The following PHYH variants were observed in gnomAD, a reference collection of about 807,000 sequenced individuals.
PHYH encodes phytanoyl-CoA dioxygenase, peroxisomal.
A neutral mutation model predicts 38.5 loss-of-function variants in PHYH; 32 were observed. That is an observed-to-expected ratio of 0.83 (90% CI 0.63 to 1.12). PHYH has a LOEUF of 1.12. PHYH is among the 50% of genes most tolerant of loss of function. The pLI, the probability that PHYH is intolerant of heterozygous loss-of-function variation, is 0.00. For synonymous variants in PHYH, 166 were observed against 157.9 expected, an observed-to-expected ratio of 1.05 and a Z score of -0.38; for missense variants, 426 against 434.8, an observed-to-expected ratio of 0.98 and a Z score of 0.18.
intron 2 of PHYH, among the ~76,000 whole-genome samples, chr10:13,296,778 A>C (rs1832564001): frequency 6.6e-6 from 1 of 151,338 alleles, no homozygotes; most frequent in South Asian, 2.1e-4. Flanking sequence ...AACACGGTGA[A>C]ACCCGCCTCT....
intron 7 of PHYH, among the ~76,000 whole-genome samples, chr10:13,283,203 A>C (rs908322802): frequency 7.2e-6 from 1 of 139,582 alleles, no homozygotes; most frequent in Non-Finnish European, 1.5e-5. Context: ...ATCTCGGCTC[A>C]CTGCAGACTC....
intron 7 of PHYH, among the ~76,000 whole-genome samples, chr10:13,283,471 C>T (rs187918354): frequency 2.0e-5 from 3 of 152,116 alleles, no homozygotes; most frequent in Non-Finnish European, 4.4e-5. Context: ...GGTCACCTGG[C>T]TTCTTACTGA....
chr10:13,299,224 C>T (rs1443093036), intron 1 of PHYH, among the ~76,000 whole-genome samples: 2 of 151,892 alleles, frequency 1.3e-5, no homozygotes, highest in African/African-American at 4.8e-5. Context: ...CATAGAATTG[C>T]ATTGTTTCTT....
At chr10:13,288,236 C>T in intron 6 of PHYH, 124 bp downstream of exon 6, 1 of 874,132 alleles carries the variant, frequency 1.1e-6, no homozygotes. Flanking sequence ...CACTGCAAAT[C>T]TTAGGACAAT....
chr10:13,283,440 T>C (rs893276337), intron 7 of PHYH, among the ~76,000 whole-genome samples: 10 of 152,006 alleles, frequency 6.6e-5, no homozygotes, highest in Non-Finnish European at 1.0e-4. Flanking sequence ...ATAATCAATA[T>C]TGACAAGGTT....
chr10:13,294,778 A>G (rs901693419), intron 3 of PHYH, 182 bp from the exon 4 acceptor site: 29 of 621,796 alleles, frequency 4.7e-5, no homozygotes, highest in Non-Finnish European at 8.0e-5. Flanking sequence ...ATCCATTCCC[A>G]GAATTAAATT....
chr10:13,278,228 T>C lies in PHYH; in HGVS notation c.*73A>G. The C allele has an allele frequency of 9.9e-7, 1 of 1,014,844 alleles. No homozygotes were observed. Among genetic ancestry groups the C allele is most frequent in the East Asian group, 2.4e-5 (1 of 42,018 alleles). The allele number at this position is 1,014,844 out of a possible 1,614,324, so 62.9% of individuals were successfully genotyped here. On this transcript the variant is annotated 3_prime_UTR_variant, in exon 9 of 9. Coordinates refer to ENST00000263038, the MANE Select transcript of PHYH (RefSeq NM_006214.4). ...GATAGAAAAGGTTACATCATCTCAT[T>C]AAGAAAACATTTTCCTTAGACATTT...
chr10:13,288,280 T>C, intron 6 of PHYH, 80 bp downstream of exon 6: 1 of 1,248,304 alleles, frequency 8.0e-7, no homozygotes, highest in East Asian at 2.3e-5. Context: ...ATCTCATTTG[T>C]AAACTCTTTA....
At position 13,289,233 on chromosome 10, in the gene PHYH, C is replaced by T. The variant is rs562198079; in HGVS notation, c.497-692G>A. ...TTTTTTGAGACGGAGTCTTGTTCTG[C>T]TGCCCAGGCTGGAGTGCAGTGACGC... On this transcript the variant is annotated intron_variant, in intron 5 of 8. Transcript: ENST00000263038. 1.2e-3 allele frequency among the ~76,000 whole-genome samples: 184 copies of T among 152,220 alleles called. 1 individual carries two copies. The highest frequency in any genetic ancestry group is 4.0e-3 in the African/African-American group (165 of 41,536).
chr10:13,294,614 C>A lies in PHYH; in HGVS notation c.246-18G>T. On this transcript the variant is annotated intron_variant, in intron 3 of 8. Transcript: ENST00000263038. Reference sequence around the variant, plus strand: ...ACTCATTCCTAGAAAATTTAATTTGCAAATGATGTCGTTACCGCTGGCTCC... The same window carrying A: ...ACTCATTCCTAGAAAATTTAATTTGAAAATGATGTCGTTACCGCTGGCTCC... The A allele has an allele frequency of 2.5e-6, 4 of 1,612,394 alleles. No individual in the cohort carries two copies. Among genetic ancestry groups the A allele is most frequent in the Non-Finnish European group, 3.4e-6 (4 of 1,178,740 alleles).
intron 8 of PHYH, among the ~76,000 whole-genome samples, 162 bp from the exon 9 acceptor site, chr10:13,278,516 CAACTT>C (rs1040725642): frequency 6.6e-6 from 1 of 152,014 alleles, no homozygotes; most frequent in African/African-American, 2.4e-5. Flanking sequence ...CAAAACAACT[CAACTT>C]AAACTACTTA....
intron 6 of PHYH, among the ~76,000 whole-genome samples, chr10:13,287,752 G>C (rs1393531487): frequency 2.6e-5 from 4 of 152,194 alleles, no homozygotes; most frequent in Non-Finnish European, 5.9e-5. Flanking sequence ...CCATCAGTTA[G>C]TGAGTAAGAC....
chr10:13,298,214 G>A lies in PHYH; in HGVS notation c.107C>T (p.Ser36Phe). The change falls in exon 2 of 9, where the codon TCT becomes TTT. Residue 36 changes from serine (S) to phenylalanine (F), a missense_variant. Ser to Phe is a radical substitution (Grantham distance 155). Coordinates refer to ENST00000263038, the MANE Select transcript of PHYH (RefSeq NM_006214.4). Reference protein sequence around the residue: ...VAHPTSGTISSASFHPQQFQY... With the variant: ...VAHPTSGTISFASFHPQQFQY... ...GAATTGTTGAGGATGGAAACTGGCA[G>A]AGGAAATAGTCCCTGAAGTGGGATG... 6.2e-7 allele frequency: 1 copy of A among 1,606,814 alleles called. No homozygotes were observed. Among genetic ancestry groups the A allele is most frequent in the Non-Finnish European group, 8.5e-7 (1 of 1,173,374 alleles).
chr10:13,283,806 C>T lies in PHYH; in HGVS notation c.712G>A (p.Asp238Asn), dbSNP rs1296265643. 1.2e-6 allele frequency: 2 copies of T among 1,613,948 alleles called. No individual in the cohort carries two copies. Among genetic ancestry groups the T allele is most frequent in the South Asian group, 1.1e-5 (1 of 91,066 alleles). Reference sequence around the variant, plus strand: ...ACCCGGGCCTTGTTTTCCTCGTAGTCCTGGATCCCGTGGAACATTTTGTTA... The same window carrying T: ...ACCCGGGCCTTGTTTTCCTCGTAGTTCTGGATCCCGTGGAACATTTTGTTA... ...GVNKMFHGIQ[D>N]YEENKARVHL... The change falls in exon 7 of 9, where the codon GAC becomes AAC. Residue 238 changes from aspartate (D) to asparagine (N), a missense_variant. Physicochemically the swap from Asp to Asn is conservative, Grantham distance 23 (BLOSUM62 1). Coordinates refer to ENST00000263038, the MANE Select transcript of PHYH (RefSeq NM_006214.4).
chr10:13,286,064 T>A (rs1835541513), intron 6 of PHYH, among the ~76,000 whole-genome samples: 1 of 152,052 alleles, frequency 6.6e-6, no homozygotes. Flanking sequence ...TGCGCCACCA[T>A]GCCCAGCTAA....
At chr10:13,283,117 G>A (rs1316473134) in intron 7 of PHYH, among the ~76,000 whole-genome samples, 1 of 143,442 alleles carries the variant, frequency 7.0e-6, no homozygotes, top group Non-Finnish European at 1.5e-5. Flanking sequence ...CACTGCACCT[G>A]GCTTTCATAA....
At chr10:13,289,352 C>T (rs1196993982) in intron 5 of PHYH, among the ~76,000 whole-genome samples, 2 of 152,008 alleles carry the variant, frequency 1.3e-5, no homozygotes, top group African/African-American at 2.4e-5. Context: ...CCCGCCACCA[C>T]GCCCGGCTAA....
chr10:13,299,223 G>C (rs999963222), intron 1 of PHYH, among the ~76,000 whole-genome samples: 1 of 151,774 alleles, frequency 6.6e-6, no homozygotes, highest in Non-Finnish European at 1.5e-5. Flanking sequence ...ACATAGAATT[G>C]CATTGTTTCT....
At chr10:13,285,957 G>T (rs1835538920) in intron 6 of PHYH, among the ~76,000 whole-genome samples, 1 of 151,856 alleles carries the variant, frequency 6.6e-6, no homozygotes, top group African/African-American at 2.4e-5. Flanking sequence ...ACCCAGGCTG[G>T]AGTGCAGTGG....
Sources: gnomAD v4.1 joint callset for allele counts (sites outside exome capture counted in the v4.1 genomes callset) on GRCh38, gnomAD v4.1.1 for gene constraint, MANE v1.5 for transcripts, NCBI Gene and HGNC (gene_info 2026-07-23, HGNC 2026-07-21) for gene names.